The following ZNF385D variants were observed in gnomAD, a reference collection of about 807,000 sequenced individuals.
ZNF385D encodes zinc finger protein 385D, also known as zinc finger protein 659.
In ZNF385D, 15 loss-of-function variants were observed where a neutral mutation model predicts 35.8. The observed-to-expected ratio is 0.42, with a 90% CI of 0.28 to 0.64. The LOEUF (loss-of-function observed/expected upper bound fraction) is 0.64. Ranked by LOEUF, ZNF385D falls within the 30% of genes least tolerant of loss-of-function variation. ZNF385D has a pLI of 0.23. For missense variants in ZNF385D, 474 were observed against 494.6 expected (o/e 0.96, Z 0.39); for synonymous variants, 212 against 186.8 (o/e 1.13, Z -1.10).
chr3:21,964,568 C>A (rs1374456867), intron 3 of ZNF385D, among the ~76,000 whole-genome samples: 1 of 141,742 alleles, frequency 7.1e-6, no homozygotes, highest in Non-Finnish European at 1.5e-5. Flanking sequence ...TGGCTCACTG[C>A]AACCTCTGCC....
intron 3 of ZNF385D, among the ~76,000 whole-genome samples, chr3:22,061,547 CAA>C (rs1408831651): frequency 1.4e-4 from 22 of 152,136 alleles, no homozygotes; most frequent in Admixed American, 1.2e-3. Context: ...ACAATAACTC[CAA>C]AGTCTTCAAT....
At chr3:22,036,834 G>A (rs1485139919) in intron 3 of ZNF385D, among the ~76,000 whole-genome samples, 4 of 149,644 alleles carry the variant, frequency 2.7e-5, no homozygotes, top group Middle Eastern at 3.2e-3. Flanking sequence ...TTAACATTAG[G>A]TATATCTCCT....
intron 3 of ZNF385D, among the ~76,000 whole-genome samples, chr3:21,808,473 G>A (rs2072755722): frequency 6.6e-6 from 1 of 152,156 alleles, no homozygotes; most frequent in African/African-American, 2.4e-5. Context: ...AAGCAGAGAT[G>A]ACACCCATCC....
chr3:21,748,518 C>T (rs942356636), intron 1 of ZNF385D, among the ~76,000 whole-genome samples: 2 of 152,262 alleles, frequency 1.3e-5, no homozygotes, highest in Middle Eastern at 3.4e-3. Flanking sequence ...ATAGCATCAC[C>T]ATGCTCTTCA....
chr3:22,071,978 G>C (rs1211485360), intron 3 of ZNF385D, among the ~76,000 whole-genome samples: 1 of 151,972 alleles, frequency 6.6e-6, no homozygotes, highest in African/African-American at 2.4e-5. Context: ...GAAGTAAACT[G>C]TCAAATTCAG....
At chr3:21,571,192 T>A (rs2063325046) in intron 2 of ZNF385D, among the ~76,000 whole-genome samples, 1 of 152,212 alleles carries the variant, frequency 6.6e-6, no homozygotes. Context: ...CACCAGATAG[T>A]ATTTTTACCT....
At chr3:22,008,868 T>C (rs752145376) in intron 3 of ZNF385D, among the ~76,000 whole-genome samples, 2 of 152,206 alleles carry the variant, frequency 1.3e-5, no homozygotes, top group Non-Finnish European at 2.9e-5. Flanking sequence ...ATTGTAAATG[T>C]TGCTTTTAGG....
intron 1 of ZNF385D, among the ~76,000 whole-genome samples, chr3:21,712,679 T>C (rs7628157): frequency 0.47 from 72,077 of 152,044 alleles, 17,211 homozygotes; most frequent in South Asian, 0.63. Context: ...CTATGAAGAA[T>C]ATCCCAGTTT....
At chr3:21,643,267 A>G (rs889557304) in intron 2 of ZNF385D, among the ~76,000 whole-genome samples, 8 of 152,168 alleles carry the variant, frequency 5.3e-5, no homozygotes, top group Non-Finnish European at 8.8e-5. Flanking sequence ...GAAAACACCA[A>G]TCCTTGGGGT....
At position 22,009,991 on chromosome 3, in the gene ZNF385D, A is replaced by C. The variant is rs546616505; in HGVS notation, c.325+158826T>G. Among the ~76,000 whole-genome samples, 84 of 152,298 alleles carry C rather than the reference A, an allele frequency of 5.5e-4. 1 individual carries two copies. Among genetic ancestry groups the C allele is most frequent in the Admixed American group, 9.8e-4 (15 of 15,300 alleles). On this transcript the variant is annotated intron_variant, in intron 3 of 5. Transcript: ENST00000494108. ...ACAGTAGGAAGGACATAAAAAGGGCATAAAGGAAATTGAGGAAAACAGGTA... is the reference window on the plus strand; with the variant it reads ...ACAGTAGGAAGGACATAAAAAGGGCCTAAAGGAAATTGAGGAAAACAGGTA...
At chr3:22,154,308 A>C (rs914673045) in intron 3 of ZNF385D, among the ~76,000 whole-genome samples, 3 of 152,148 alleles carry the variant, frequency 2.0e-5, no homozygotes, top group Non-Finnish European at 4.4e-5. Flanking sequence ...TTGATGCTGC[A>C]AACTACCCTG....
chr3:21,651,287 C>CAAAAAAAAAAAAAAAA (rs71044931), intron 2 of ZNF385D, among the ~76,000 whole-genome samples: 1 of 80,118 alleles, frequency 1.2e-5, no homozygotes, highest in Non-Finnish European at 2.2e-5. Context: ...GACTTCATCT[C>CAAAAAAAAAAAAAAAA]AAAAAAAAAA....
intron 2 of ZNF385D, among the ~76,000 whole-genome samples, chr3:21,569,302 T>C (rs1322062659): frequency 6.7e-6 from 1 of 149,118 alleles, no homozygotes; most frequent in African/African-American, 2.5e-5. Context: ...AATTGATCCC[T>C]TTACCATTAT....
intron 3 of ZNF385D, among the ~76,000 whole-genome samples, chr3:21,821,372 A>G (rs1016068743): frequency 3.9e-5 from 6 of 152,208 alleles, no homozygotes; most frequent in Non-Finnish European, 8.8e-5. Flanking sequence ...AGCATTTGAC[A>G]AATTTTTAAA....
chr3:22,345,930 C>T (rs1695638802), intron 2 of ZNF385D, among the ~76,000 whole-genome samples: 1 of 152,186 alleles, frequency 6.6e-6, no homozygotes, highest in African/African-American at 2.4e-5. Context: ...GCTCCCATGG[C>T]TTCGCTGAAA....
intron 2 of ZNF385D, among the ~76,000 whole-genome samples, chr3:21,585,642 C>T (rs895281373): frequency 2.0e-5 from 3 of 152,170 alleles, no homozygotes; most frequent in Admixed American, 2.0e-4. Context: ...TTAAGAAAAA[C>T]AAATCGTGGA....
chr3:21,643,280 A>T (rs2065658484), intron 2 of ZNF385D, among the ~76,000 whole-genome samples: 1 of 152,152 alleles, frequency 6.6e-6, no homozygotes, highest in African/African-American at 2.4e-5. Context: ...CTTGGGGTGA[A>T]GAAGAGAGGA....
chr3:22,084,482 G>A (rs1287978857), intron 3 of ZNF385D, among the ~76,000 whole-genome samples: 2 of 152,200 alleles, frequency 1.3e-5, no homozygotes, highest in African/African-American at 4.8e-5. Context: ...AGACAAAGAA[G>A]GCCATTACAT....
intron 4 of ZNF385D, among the ~76,000 whole-genome samples, chr3:21,492,593 A>T (rs1489333072): frequency 6.6e-6 from 1 of 151,532 alleles, no homozygotes; most frequent in Non-Finnish European, 1.5e-5. Context: ...GACTAGCCTG[A>T]CCAATACGGT....
Sources: gnomAD v4.1 joint callset for allele counts (sites outside exome capture counted in the v4.1 genomes callset) on GRCh38, gnomAD v4.1.1 for gene constraint, MANE v1.5 for transcripts, NCBI Gene and HGNC (gene_info 2026-07-23, HGNC 2026-07-21) for gene names.